The following SPAG17 variants were observed in gnomAD, a reference collection of about 807,000 sequenced individuals.
The protein encoded by SPAG17 is sperm associated antigen 17, also known as sperm-associated antigen 17.
Under a neutral mutation model 273.6 loss-of-function variants are expected in SPAG17, and 169 were observed. That is an observed-to-expected ratio of 0.62 (90% CI 0.55 to 0.70). The LOEUF (loss-of-function observed/expected upper bound fraction) is 0.70, where lower values mean the gene tolerates loss of function less well. Among genes scored for constraint, SPAG17 ranks in the 30% least tolerant of loss-of-function variants. SPAG17 has a pLI of 0.00. For synonymous variants in SPAG17, 825 were observed against 873.2 expected, an observed-to-expected ratio of 0.94 and a Z score of 0.97; for missense variants, 2,557 against 2,627.8, an observed-to-expected ratio of 0.97 and a Z score of 0.59.
At chr1:118,025,609 G>A (rs1265009738) in intron 26 of SPAG17, among the ~76,000 whole-genome samples, 193 bp from the exon 27 acceptor site, 1 of 152,100 alleles carries the variant, frequency 6.6e-6, no homozygotes, top group Admixed American at 6.6e-5. Context: ...CTGGATTCAA[G>A]CCTTCTGAGC....
chr1:118,098,086 G>T (rs1161757249), intron 6 of SPAG17, among the ~76,000 whole-genome samples: 1 of 152,122 alleles, frequency 6.6e-6, no homozygotes, highest in East Asian at 1.9e-4. Flanking sequence ...TCATTTTATA[G>T]TTGAGGCCCA....
chr1:118,104,954 G>T (rs1437017374), intron 4 of SPAG17, among the ~76,000 whole-genome samples: 1 of 152,166 alleles, frequency 6.6e-6, no homozygotes, highest in Non-Finnish European at 1.5e-5. Flanking sequence ...ATGCTTGCAG[G>T]CTGATGGAAT....
At chr1:117,955,763 C>CA (rs201854117) in intron 48 of SPAG17, among the ~76,000 whole-genome samples, 137 of 141,554 alleles carry the variant, frequency 9.7e-4, no homozygotes, top group Middle Eastern at 3.7e-3. Context: ...TCATATTCTT[C>CA]AAAAAAAAAA....
chr1:117,967,126 G>A (rs779741569), intron 46 of SPAG17, among the ~76,000 whole-genome samples: 45 of 151,722 alleles, frequency 3.0e-4, no homozygotes, highest in Non-Finnish European at 5.0e-4. Context: ...CTGCAATAGC[G>A]GCTACTGCAG....
chr1:117,954,141 A>G (rs779343444), intron 48 of SPAG17, 92 bp from the exon 49 acceptor site: 3 of 1,526,740 alleles, frequency 2.0e-6, no homozygotes, highest in South Asian at 2.3e-5. Context: ...AATAAAGGGA[A>G]TTCCCAAGGA....
In SPAG17 at chr1:117,973,457, T is replaced by C; in HGVS notation, c.6109A>G (p.Ser2037Gly). Residue 2037 changes from serine (S) to glycine (G), a missense_variant, in exon 44 of 49, where the codon AGT (serine) becomes GGT (glycine). Transcript: ENST00000336338. ...EKVKLPHYLL[S>G]SKPKSQPLAK... is the part of the protein sequence containing the mutation. ...AGAGGTTGAGACTTAGGCTTGGAAC[T>C]CAGCAAATAATGAGGCAACTTCACT... 1 of 1,613,958 alleles carries C rather than the reference T, an allele frequency of 6.2e-7. No homozygotes were observed. Among genetic ancestry groups the C allele is most frequent in the Non-Finnish European group, 8.5e-7 (1 of 1,179,846 alleles).
At chr1:118,100,534 A>G (rs1655996958) in intron 5 of SPAG17, among the ~76,000 whole-genome samples, 1 of 152,234 alleles carries the variant, frequency 6.6e-6, no homozygotes, top group African/African-American at 2.4e-5. Context: ...CATTAAGATC[A>G]ATATATAAAT....
chr1:118,019,759 T>C (rs1571256692), intron 28 of SPAG17, among the ~76,000 whole-genome samples: 1 of 152,286 alleles, frequency 6.6e-6, no homozygotes, highest in South Asian at 2.1e-4. Flanking sequence ...ACTTAAATGA[T>C]AGCCAACTTT....
At chr1:117,957,208 TTCCAAA>T in intron 48 of SPAG17, 1 of 1,607,620 alleles carries the variant, frequency 6.2e-7, no homozygotes, top group Non-Finnish European at 8.5e-7. Flanking sequence ...TAACATCCTT[TTCCAAA>T]GAATACCATG....
chr1:118,004,129 C>T (rs113067100), intron 32 of SPAG17, among the ~76,000 whole-genome samples: 9,973 of 152,234 alleles, frequency 0.066, 531 homozygotes, highest in East Asian at 0.31. Context: ...GTGGAGGCTG[C>T]AGAACAACAA....
chr1:118,171,900 C>A (rs1419700037), intron 1 of SPAG17, among the ~76,000 whole-genome samples: 1 of 152,128 alleles, frequency 6.6e-6, no homozygotes, highest in African/African-American at 2.4e-5. Context: ...TGTGACAAAT[C>A]ACTACATGTC....
At chr1:117,976,673 C>T (rs1245613134) in intron 43 of SPAG17, among the ~76,000 whole-genome samples, 1 of 152,174 alleles carries the variant, frequency 6.6e-6, no homozygotes, top group Non-Finnish European at 1.5e-5. Context: ...TGAACATTAC[C>T]TGCAGCCGGA....
chr1:118,095,632 G>A (rs1655660373), intron 7 of SPAG17, among the ~76,000 whole-genome samples: 1 of 152,218 alleles, frequency 6.6e-6, no homozygotes, highest in African/African-American at 2.4e-5. Context: ...AGAACAGCTG[G>A]TCTGTGGAAG....
chr1:118,023,911 T>G (rs763439229), intron 27 of SPAG17, among the ~76,000 whole-genome samples: 1 of 152,156 alleles, frequency 6.6e-6, no homozygotes, highest in Non-Finnish European at 1.5e-5. Flanking sequence ...ACCACAGATA[T>G]GTCTACCTGC....
At chr1:118,118,415 G>A (rs1172677692) in intron 3 of SPAG17, among the ~76,000 whole-genome samples, 2 of 152,172 alleles carry the variant, frequency 1.3e-5, no homozygotes, top group Admixed American at 6.5e-5. Flanking sequence ...AGTGCTTGGG[G>A]AGTAATTAGG....
intron 24 of SPAG17, among the ~76,000 whole-genome samples, chr1:118,032,621 G>C (rs537645554): frequency 1.2e-3 from 188 of 151,862 alleles, no homozygotes; most frequent in African/African-American, 4.2e-3. Context: ...TTGAGACAGA[G>C]TGTCACTCTG....
At chr1:118,177,556 C>T (rs908266291) in intron 1 of SPAG17, among the ~76,000 whole-genome samples, 6 of 151,294 alleles carry the variant, frequency 4.0e-5, no homozygotes, top group East Asian at 1.9e-4. Flanking sequence ...CTTAAATTAG[C>T]GGAAGGAAAA....
chr1:118,170,340 G>A (rs1325685153), intron 1 of SPAG17, among the ~76,000 whole-genome samples: 3 of 152,112 alleles, frequency 2.0e-5, no homozygotes, highest in Admixed American at 6.6e-5. Flanking sequence ...AAGACATTCT[G>A]TAACTAAGTA....
chr1:118,079,697 G>C (rs974048843), intron 15 of SPAG17, among the ~76,000 whole-genome samples: 3 of 151,726 alleles, frequency 2.0e-5, no homozygotes, highest in Admixed American at 6.6e-5. Context: ...TTGATGTTTA[G>C]TTAATTAATC....
Sources: allele counts gnomAD v4.1 joint callset (sites outside exome capture counted in the v4.1 genomes callset), GRCh38; gene constraint gnomAD v4.1.1; transcripts MANE v1.5; gene names NCBI Gene and HGNC (gene_info 2026-07-23, HGNC 2026-07-21).